ERCC6L2: variants seen among roughly 807,000 people sequenced by gnomAD.
ERCC6L2 encodes the protein ERCC excision repair 6 like 2.
Under a neutral mutation model 132.0 loss-of-function variants are expected in ERCC6L2, and 77 were observed. The observed-to-expected ratio is 0.58, with a 90% CI of 0.49 to 0.71. ERCC6L2 has a LOEUF of 0.71. ERCC6L2 is among the 30% of genes least tolerant of loss of function. The probability of loss-of-function intolerance (pLI) is 0.00; values close to 1 mark genes in which losing one functional copy is unlikely to be tolerated. For missense variants in ERCC6L2, 1,542 were observed against 1,837.6 expected, an observed-to-expected ratio of 0.84 and a Z score of 2.94; for synonymous variants, 583 against 632.4, an observed-to-expected ratio of 0.92 and a Z score of 1.17.
intron 13 of ERCC6L2, among the ~76,000 whole-genome samples, chr9:95,957,137 CTCTAAACAAACAATATTTATTTAG>C (rs1554753165): frequency 1.1e-4 from 17 of 152,124 alleles, no homozygotes; most frequent in Non-Finnish European, 5.9e-5. Flanking sequence ...TCATTTATGC[CTCTAAACAAACAATATTTATTTAG>C]TTTACAACTG....
intron 16 of ERCC6L2, among the ~76,000 whole-genome samples, chr9:95,973,823 C>CT (rs1588006010): frequency 6.6e-6 from 1 of 152,124 alleles, no homozygotes; most frequent in Non-Finnish European, 1.5e-5. Flanking sequence ...ATTATATAGT[C>CT]TTTTTTAATC....
At chr9:96,022,124 A>G (rs1050182258), downstream of ERCC6L2, among the ~76,000 whole-genome samples, 6 of 152,128 alleles carry the variant, frequency 3.9e-5, no homozygotes, top group Non-Finnish European at 2.9e-5. Context: ...TTTCTCCAAA[A>G]TATTTCCTGG....
chr9:95,899,487 CA>C (rs1456541592), intron 3 of ERCC6L2, among the ~76,000 whole-genome samples: 1 of 151,974 alleles, frequency 6.6e-6, no homozygotes, highest in Admixed American at 6.6e-5. Context: ...AGAAAGTTAA[CA>C]AAGATACTCA....
chr9:96,010,505 TG>T (rs1198559592), intron 18 of ERCC6L2, among the ~76,000 whole-genome samples: 1 of 152,204 alleles, frequency 6.6e-6, no homozygotes, highest in Non-Finnish European at 1.5e-5. Flanking sequence ...GGACCCCCTA[TG>T]ATTTTTAGCC....
intron 17 of ERCC6L2, among the ~76,000 whole-genome samples, chr9:95,980,042 G>T (rs181286785): frequency 2.4e-4 from 37 of 152,242 alleles, no homozygotes; most frequent in Admixed American, 1.2e-3. Context: ...ATTTATCAGA[G>T]AAGAAATTTA....
At chr9:96,019,780 AG>A (rs1228441654), downstream of ERCC6L2, 1 of 152,214 alleles carries the variant, frequency 6.6e-6, no homozygotes, top group Non-Finnish European at 1.5e-5. Flanking sequence ...ATAGCTGGGG[AG>A]GCCTCAGGAA....
At chr9:96,021,388 C>G (rs1834286120), downstream of ERCC6L2, 1 of 289,082 alleles carries the variant, frequency 3.5e-6, no homozygotes, top group African/African-American at 2.4e-5. This position sits in a 1 kb window ranked among gnomAD's most constrained non-coding sequence, Gnocchi z 4.7. Flanking sequence ...CAGTCCCTCC[C>G]GGGCAGGGAG....
rs545982300 is a variant in ERCC6L2, at chr9:96,018,162, C to T, written c.*4959C>T. Reference sequence around the variant, plus strand: ...GCAAAGTGGCCTGAAGATGGATGGTCGTGATGGTTGCACAGCAATGTGAAT... The same window carrying T: ...GCAAAGTGGCCTGAAGATGGATGGTTGTGATGGTTGCACAGCAATGTGAAT... On this transcript the variant is annotated 3_prime_UTR_variant, in exon 19 of 19. Coordinates refer to ENST00000653738, the MANE Select transcript of ERCC6L2 (RefSeq NM_020207.7). 4.6e-5 allele frequency among the ~76,000 whole-genome samples: 7 copies of T among 152,130 alleles called. No homozygotes were observed. The highest frequency in any genetic ancestry group is 2.1e-4 in the South Asian group (1 of 4,824).
intron 9 of ERCC6L2, among the ~76,000 whole-genome samples, chr9:95,925,347 A>T (rs1165117447): frequency 6.6e-6 from 1 of 152,192 alleles, no homozygotes; most frequent in Non-Finnish European, 1.5e-5. Flanking sequence ...ACAGGAATCC[A>T]GCTTGGTGCT....
At chr9:95,893,479 A>G (rs567703062) in intron 2 of ERCC6L2, among the ~76,000 whole-genome samples, 1 of 152,332 alleles carries the variant, frequency 6.6e-6, no homozygotes, top group East Asian at 1.9e-4. Context: ...ACGAGGTCAC[A>G]GTATTTTCCC....
chr9:95,887,768 T>G (rs573875681), intron 2 of ERCC6L2, among the ~76,000 whole-genome samples: 1 of 152,304 alleles, frequency 6.6e-6, no homozygotes, highest in Admixed American at 6.5e-5. Context: ...TTCAGTAGAT[T>G]CAAAACATAC....
At chr9:95,985,944 C>T (rs1463840714) in intron 17 of ERCC6L2, among the ~76,000 whole-genome samples, 1 of 152,178 alleles carries the variant, frequency 6.6e-6, no homozygotes, top group African/African-American at 2.4e-5. Flanking sequence ...CTTAGACAGC[C>T]TTCAGTTTGT....
intron 17 of ERCC6L2, among the ~76,000 whole-genome samples, chr9:95,999,962 C>T (rs1833607175): frequency 6.6e-6 from 1 of 151,082 alleles, no homozygotes; most frequent in South Asian, 2.1e-4. Flanking sequence ...GATCTCAGCT[C>T]ACTGCAACCT....
chr9:95,989,181 AT>A (rs1239537313), intron 17 of ERCC6L2, among the ~76,000 whole-genome samples: 1 of 152,140 alleles, frequency 6.6e-6, no homozygotes, highest in Non-Finnish European at 1.5e-5. Context: ...TTACATAGGT[AT>A]TGAATCAATC....
chr9:95,953,201 A>G (rs570603029), intron 12 of ERCC6L2, among the ~76,000 whole-genome samples: 2 of 152,328 alleles, frequency 1.3e-5, no homozygotes, highest in African/African-American at 4.8e-5. Flanking sequence ...TACACTTAAA[A>G]ATGCTTAAAA....
intron 17 of ERCC6L2, among the ~76,000 whole-genome samples, chr9:95,984,428 T>C (rs994860783): frequency 3.3e-5 from 5 of 151,810 alleles, no homozygotes; most frequent in East Asian, 1.9e-4. Flanking sequence ...TTCAGCCTTA[T>C]ATTTCTGATC....
chr9:95,993,067 T>C (rs1318250316), intron 17 of ERCC6L2, among the ~76,000 whole-genome samples: 2 of 152,174 alleles, frequency 1.3e-5, no homozygotes, highest in Non-Finnish European at 2.9e-5. Context: ...CTGGAGATCC[T>C]ATAAAGACTA....
intron 19 of ERCC6L2, among the ~76,000 whole-genome samples, chr9:96,032,544 G>A (rs1834473426): frequency 1.3e-5 from 2 of 152,312 alleles, no homozygotes. Flanking sequence ...CTTCTTGGGT[G>A]TTCATTCAGA....
Position 96,004,589 on chromosome 9 carries a change from A to C in ERCC6L2, c.3562A>C (p.Ser1188Arg), listed in dbSNP as rs1029932167. ...TKKGQQPSEG[S>R]ISLPLYISNP... Reference sequence around the variant, plus strand: ...GAAAGGCCAGCAACCGAGTGAAGGCAGCATTTCACTTCCTCTTTACATTTC... The same window carrying C: ...GAAAGGCCAGCAACCGAGTGAAGGCCGCATTTCACTTCCTCTTTACATTTC... Residue 1188 changes from serine (S) to arginine (R), a missense_variant, in exon 18 of 19, where the codon AGC becomes CGC. By Grantham distance (110) the Ser-to-Arg change is moderately radical (BLOSUM62 -1). Coordinates refer to ENST00000653738, the MANE Select transcript of ERCC6L2 (RefSeq NM_020207.7). The C allele has an allele frequency of 3.5e-5, 46 of 1,313,338 alleles. No individual in the cohort carries two copies. Among genetic ancestry groups the C allele is most frequent in the Non-Finnish European group, 4.5e-5 (45 of 992,846 alleles). 81.4% of individuals were successfully genotyped at this position (1,313,338 alleles called of 1,614,324 possible). A position where few individuals can be genotyped will look rare whatever the true frequency, so the allele number is the denominator to read the frequency against.
Sources: gnomAD v4.1 joint callset for allele counts (sites outside exome capture counted in the v4.1 genomes callset) on GRCh38, gnomAD v4.1.1 for gene constraint, Gnocchi (gnomAD v3.1) non-coding constraint, MANE v1.5 for transcripts, NCBI Gene and HGNC (gene_info 2026-07-23, HGNC 2026-07-21) for gene names.